The following DNAH2 variants were observed in gnomAD, a reference collection of about 807,000 sequenced individuals.
The protein encoded by DNAH2 is dynein axonemal heavy chain 2, also known as axonemal beta dynein heavy chain 2.
In DNAH2, 323 loss-of-function variants were observed where a neutral mutation model predicts 523.5. The observed-to-expected ratio is 0.62, with a 90% CI of 0.56 to 0.68. The LOEUF is 0.68. Ranked by LOEUF, DNAH2 falls within the 30% of genes least tolerant of loss-of-function variation. DNAH2 has a pLI of 0.00. For synonymous variants in DNAH2, 2,093 were observed against 2,177.4 expected, an observed-to-expected ratio of 0.96 and a Z score of 1.08; for missense variants, 4,907 against 5,701.5, an observed-to-expected ratio of 0.86 and a Z score of 4.49.
At chr17:7,732,043 A>T (rs1054110526) in intron 4 of DNAH2, among the ~76,000 whole-genome samples, 4 of 151,950 alleles carry the variant, frequency 2.6e-5, no homozygotes, top group African/African-American at 9.7e-5. Context: ...AAAAAAAAAA[A>T]AAAGGACACA....
intron 39 of DNAH2, among the ~76,000 whole-genome samples, chr17:7,785,447 T>G (rs567377969): frequency 6.6e-6 from 1 of 152,258 alleles, no homozygotes; most frequent in East Asian, 1.9e-4. Flanking sequence ...GACATTAAAC[T>G]TGTTTAGGAC....
rs145127395 is a variant in DNAH2, at chr17:7,780,182, C to T, written c.5748C>T (p.Pro1916=). Residue 1916 remains proline, a synonymous_variant, in exon 37 of 86, where the codon CCC becomes CCT. Transcript: ENST00000572933. The surrounding 1 kb of genome is among the most constrained non-coding windows in gnomAD (Gnocchi z 4.4). ...GCTATGCTGGCCGCACAGAGCTTCC[C>T]GAAAATCTTAAATCCATGTTCCGCC... ...NPGYAGRTEL[P]ENLKSMFRPI... The T allele has an allele frequency of 1.9e-3, 2,997 of 1,613,704 alleles. 4 individuals are homozygous for T. The highest frequency in any genetic ancestry group is 2.4e-3 in the Non-Finnish European group (2,846 of 1,179,838).
Position 7,786,317 on chromosome 17 carries a change from G to A in DNAH2, c.6323G>A (p.Gly2108Glu). 1 of 1,613,210 alleles carries A rather than the reference G, an allele frequency of 6.2e-7. No homozygotes were observed. Among genetic ancestry groups the A allele is most frequent in the Admixed American group, 1.7e-5 (1 of 60,000 alleles). Reference protein sequence around the residue: ...QASLSSLCRAGDPNFNIVREF... With the variant: ...QASLSSLCRAEDPNFNIVREF... ...TCCCTGTCCTCTCTGTGCCGCGCCG[G>A]AGACCCTAACTTCAACATTGTTAGA... The change falls in exon 40 of 86, where the codon GGA (glycine) becomes GAA (glutamate). Residue 2108 changes from glycine to glutamate, a missense_variant. Transcript: ENST00000572933. This position sits in a 1 kb window ranked among gnomAD's most constrained non-coding sequence, Gnocchi z 7.5.
intron 61 of DNAH2, among the ~76,000 whole-genome samples, chr17:7,805,802 C>T (rs1327021775): frequency 6.6e-6 from 1 of 151,966 alleles, no homozygotes; most frequent in Non-Finnish European, 1.5e-5. Flanking sequence ...TGCAGTGAGC[C>T]GAGATTGCGC....
chr17:7,825,240 A>G (rs1457524412), intron 77 of DNAH2, among the ~76,000 whole-genome samples: 1 of 152,094 alleles, frequency 6.6e-6, no homozygotes, highest in Non-Finnish European at 1.5e-5. Context: ...CTCATCACCA[A>G]ATGCAATCAT....
intron 18 of DNAH2, 40 bp from the exon 19 acceptor site, chr17:7,763,768 TGGGGACAGAGGGTATGTCTGCAA>T: frequency 6.3e-7 from 1 of 1,594,888 alleles, no homozygotes; most frequent in South Asian, 1.1e-5. Context: ...GCAGCCCGTG[TGGGGACAGAGGGTATGTCTGCAA>T]AGAAAACAAC....
Position 7,821,517 on chromosome 17 carries a change from G to T in DNAH2, c.11142+148G>T. On this transcript the variant is annotated intron_variant, in intron 73 of 85. Transcript: ENST00000572933. The surrounding 1 kb of genome is among the most constrained non-coding windows in gnomAD (Gnocchi z 5.0). ...TCCAGGCCAGCATCAGGTGCATGGT[G>T]AGCTCCCTGGGGCTGCGGAGGTGAC... 1 of 1,200,108 alleles carries T rather than the reference G, an allele frequency of 8.3e-7. No individual in the cohort carries two copies. The highest frequency in any genetic ancestry group is 1.1e-6 in the Non-Finnish European group (1 of 883,896). 74.3% of individuals were successfully genotyped at this position (1,200,108 alleles called of 1,614,324 possible).
At chr17:7,810,962 G>A (rs1003998949) in intron 63 of DNAH2, among the ~76,000 whole-genome samples, 3 of 152,208 alleles carry the variant, frequency 2.0e-5, no homozygotes, top group African/African-American at 7.2e-5. Flanking sequence ...TACAACAAGG[G>A]TTACAAACCA....
chr17:7,755,666 G>T (rs1178075048), intron 12 of DNAH2, among the ~76,000 whole-genome samples: 1 of 152,106 alleles, frequency 6.6e-6, no homozygotes. Flanking sequence ...TTTCTCAGAC[G>T]TGGAGCGGTT....
At chr17:7,757,289 T>C in intron 13 of DNAH2, 52 bp downstream of exon 13, 1 of 1,590,356 alleles carries the variant, frequency 6.3e-7, no homozygotes, top group Non-Finnish European at 8.6e-7. Context: ...TTATTCCTTC[T>C]TTTTCTCTTA....
rs767469772 is a variant in DNAH2 at position 7,805,071 on chromosome 17, G to T, written c.9297G>T (p.Met3099Ile). ...CACTGCCCGCCCTGGAAGAGGCCAT[G>T]CGGGTACCAGGGGCGGGTGCAAGGA... The part of the protein sequence containing the change: ...EEALPALEEA[M>I]RALESLNKKD... Residue 3099 changes from methionine to isoleucine, a missense_variant, in exon 60 of 86, where the codon ATG becomes ATT. Transcript: ENST00000572933. 1 of 1,613,562 alleles carries T rather than the reference G, an allele frequency of 6.2e-7. No individual in the cohort carries two copies. Among genetic ancestry groups the T allele is most frequent in the Non-Finnish European group, 8.5e-7 (1 of 1,179,574 alleles).
intron 2 of DNAH2, among the ~76,000 whole-genome samples, chr17:7,723,000 C>G (rs553200515): frequency 1.9e-4 from 23 of 118,122 alleles, no homozygotes. Context: ...ACAGAGTCTT[C>G]GCTCTGTTGC....
chr17:7,755,649 A>G (rs2075814719), intron 12 of DNAH2, among the ~76,000 whole-genome samples: 1 of 151,986 alleles, frequency 6.6e-6, no homozygotes, highest in Non-Finnish European at 1.5e-5. Context: ...AGGAGGTCTG[A>G]GTGGGTTTTC....
Position 7,740,562 on chromosome 17 carries a change from C to G in DNAH2, c.1506+13C>G. 2 of 1,611,952 alleles carry G rather than the reference C, an allele frequency of 1.2e-6. No homozygotes were observed. The highest frequency in any genetic ancestry group is 1.7e-6 in the Non-Finnish European group (2 of 1,179,728). On this transcript the variant is annotated intron_variant, in intron 10 of 85. Transcript: ENST00000572933. ...TGCCTCCCGCGAGGTGCGGCTGCCC[C>G]GCGGCTTCCTCGGCTTCCCGTCCCG...
chr17:7,782,095 T>C (rs1394698664), intron 39 of DNAH2, among the ~76,000 whole-genome samples: 2 of 152,074 alleles, frequency 1.3e-5, no homozygotes, highest in Admixed American at 1.3e-4. Flanking sequence ...GGCAGGTAAG[T>C]ACCAAAGCTG....
At chr17:7,739,459 A>T (rs1239328475) in intron 8 of DNAH2, among the ~76,000 whole-genome samples, 1 of 152,168 alleles carries the variant, frequency 6.6e-6, no homozygotes, top group Non-Finnish European at 1.5e-5. Flanking sequence ...TTCCTGCACA[A>T]TTGTGTGTCC....
At chr17:7,810,320 C>CA (rs1268869223) in intron 63 of DNAH2, among the ~76,000 whole-genome samples, 1 of 152,128 alleles carries the variant, frequency 6.6e-6, no homozygotes, top group African/African-American at 2.4e-5. Context: ...CTGCCTTGGC[C>CA]TCCCAAGTTG....
intron 61 of DNAH2, among the ~76,000 whole-genome samples, chr17:7,805,992 T>A (rs1255231192): frequency 1.3e-5 from 2 of 152,234 alleles, no homozygotes; most frequent in Non-Finnish European, 2.9e-5. Flanking sequence ...ATGAAATTTT[T>A]AAAAAGATTA....
Position 7,817,603 on chromosome 17 carries a change from G to C in DNAH2, c.10063G>C (p.Asp3355His). Residue 3355 changes from aspartate to histidine, a missense_variant, in exon 66 of 86, where the codon GAT becomes CAT. Physicochemically the swap from Asp to His is moderately conservative, Grantham distance 81. Transcript: ENST00000572933. ...QVPCSPSFAIDNFLCNPTKVR... is the reference protein window; with the variant it reads ...QVPCSPSFAIHNFLCNPTKVR... The stretch of plus-strand genomic sequence containing the variant: ...TCCTTGCTCCCCTTCTTTCGCCATC[G>C]ATAACTTCCTGTGCAATCCTACCAA... 6.2e-7 allele frequency: 1 copy of C among 1,614,100 alleles called. No homozygotes were observed. The highest frequency in any genetic ancestry group is 2.2e-5 in the East Asian group (1 of 44,880).
Sources: gnomAD v4.1 joint callset for allele counts (sites outside exome capture counted in the v4.1 genomes callset) on GRCh38, gnomAD v4.1.1 for gene constraint, Gnocchi (gnomAD v3.1) non-coding constraint, MANE v1.5 for transcripts, NCBI Gene and HGNC (gene_info 2026-07-23, HGNC 2026-07-21) for gene names.